MARK2: variants seen among roughly 807,000 people sequenced by gnomAD.
MARK2 encodes the protein microtubule affinity regulating kinase 2, also known as serine/threonine-protein kinase MARK2.
MARK2 carries 16 observed loss-of-function variants against 89.8 expected under a neutral mutation model. The ratio of observed to expected loss-of-function variants is 0.18; its 90% CI spans 0.12 to 0.27. MARK2 has a LOEUF of 0.27. Ranked by LOEUF, MARK2 falls within the 10% of genes least tolerant of loss-of-function variation. The pLI is 1.00. For synonymous variants in MARK2, 382 were observed against 399.5 expected (o/e 0.96, Z 0.52); for missense variants, 621 against 1,049.9 (o/e 0.59, Z 5.65).
intron 1 of MARK2, among the ~76,000 whole-genome samples, chr11:63,861,842 A>G (rs1418836192): frequency 1.3e-5 from 2 of 151,190 alleles, no homozygotes; most frequent in Admixed American, 6.6e-5. Flanking sequence ...CCCGGGTTCA[A>G]GCAATTCTCC....
Position 63,858,728 on chromosome 11 carries a change from G to A in MARK2, c.54+19168G>A, listed in dbSNP as rs539784409. On this transcript the variant is annotated intron_variant, in intron 1 of 18. Coordinates refer to ENST00000402010, the MANE Select transcript of MARK2 (RefSeq NM_001039469.3). ...AAGCCATTTGACGTCATCAGTAAGAGTAAAGGGATTCCAGACAGTGTGAGA... is the reference window on the plus strand; with the variant it reads ...AAGCCATTTGACGTCATCAGTAAGAATAAAGGGATTCCAGACAGTGTGAGA... 7.9e-5 allele frequency among the ~76,000 whole-genome samples: 12 copies of A among 152,334 alleles called. No homozygotes were observed. The South Asian group carries it at 2.5e-3, about 32-fold the overall frequency.
At chr11:63,896,638 C>T (rs912291984) in intron 3 of MARK2, among the ~76,000 whole-genome samples, 10 of 152,206 alleles carry the variant, frequency 6.6e-5, no homozygotes, top group African/African-American at 1.9e-4. Context: ...AGTTGTTCTC[C>T]GGACATGCAA....
At chr11:63,845,024 C>T (rs2016209144) in intron 1 of MARK2, among the ~76,000 whole-genome samples, 2 of 152,144 alleles carry the variant, frequency 1.3e-5, no homozygotes, top group South Asian at 2.1e-4. Context: ...CCTTTGGCCC[C>T]GTGATAGCTT....
chr11:63,870,443 G>T (rs1005547272), intron 1 of MARK2, among the ~76,000 whole-genome samples: 1 of 152,166 alleles, frequency 6.6e-6, no homozygotes, highest in African/African-American at 2.4e-5. Flanking sequence ...ATGGAGCAGA[G>T]CTGTGCAAAG....
intron 1 of MARK2, among the ~76,000 whole-genome samples, chr11:63,849,194 A>G (rs1052525138): frequency 6.6e-6 from 1 of 151,974 alleles, no homozygotes; most frequent in African/African-American, 2.4e-5. Context: ...CACTCACCCC[A>G]TCACTCCCTA....
At chr11:63,857,053 C>T (rs1027000940) in intron 1 of MARK2, among the ~76,000 whole-genome samples, 11 of 151,780 alleles carry the variant, frequency 7.2e-5, no homozygotes, top group African/African-American at 1.9e-4. Context: ...CCTCATGATC[C>T]GCCCGCCTCG....
intron 3 of MARK2, 27 bp downstream of exon 3, chr11:63,895,660 T>G (rs1290075558): frequency 1.0e-4 from 7 of 68,426 alleles, no homozygotes; most frequent in Non-Finnish European, 1.3e-4. Context: ...TCCTGTCCCT[T>G]TTTTTTTTTT....
chr11:63,907,028 TC>T (rs1395194055), intron 17 of MARK2, among the ~76,000 whole-genome samples: 10 of 152,090 alleles, frequency 6.6e-5, no homozygotes, highest in Non-Finnish European at 8.8e-5. Flanking sequence ...ACAGTCCCCT[TC>T]CTGGCTCTTT....
At position 63,908,314 on chromosome 11, in the gene MARK2, C is replaced by G. The variant is rs1281049183; in HGVS notation, c.2006+10C>G. 4.5e-6 allele frequency: 7 copies of G among 1,558,236 alleles called. No individual in the cohort carries two copies. In the African/African-American group the frequency reaches 8.2e-5, roughly 18 times the overall value. ...GAGTGGAGACGCTCAGGTGAGAGGGCTGGAGCCAGCACTGGCCCTGCCCGG... is the reference window on the plus strand; with the variant it reads ...GAGTGGAGACGCTCAGGTGAGAGGGGTGGAGCCAGCACTGGCCCTGCCCGG... On this transcript the variant is annotated intron_variant, in intron 18 of 18. Coordinates refer to ENST00000402010, the MANE Select transcript of MARK2 (RefSeq NM_001039469.3).
At position 63,902,846 on chromosome 11, in the gene MARK2, C is replaced by T. The variant is rs1941012003; in HGVS notation, c.1416+64C>T. ...TGGGGCCTGCCCTCTCCAGGCAGCT[C>T]TTCTCTTAATTCAGACTCTGTTCCC... On this transcript the variant is annotated intron_variant, in intron 13 of 18. Coordinates refer to ENST00000402010, the MANE Select transcript of MARK2 (RefSeq NM_001039469.3). This position sits in a 1 kb window ranked among gnomAD's most constrained non-coding sequence, Gnocchi z 4.2. 2 of 1,374,316 alleles carry T rather than the reference C, an allele frequency of 1.5e-6. No individual in the cohort carries two copies. Among genetic ancestry groups the T allele is most frequent in the East Asian group, 4.6e-5 (2 of 43,172 alleles). The allele number at this position is 1,374,316 out of a possible 1,614,324, so 85.1% of individuals were successfully genotyped here.
chr11:63,892,904 ATTTTTTTTTTT>A (rs896527484), intron 1 of MARK2, among the ~76,000 whole-genome samples: 1 of 114,686 alleles, frequency 8.7e-6, no homozygotes, highest in African/African-American at 3.6e-5. Context: ...TGATTTCTTA[ATTTTTTTTTTT>A]TTTTTTTTTT....
At chr11:63,907,731 T>G (rs1285708771) in intron 17 of MARK2, among the ~76,000 whole-genome samples, 1 of 152,210 alleles carries the variant, frequency 6.6e-6, no homozygotes, top group Non-Finnish European at 1.5e-5. Flanking sequence ...GACCCAGGCC[T>G]TGGCACTTTG....
intron 1 of MARK2, chr11:63,869,376 G>A (rs908280226): frequency 1.2e-5 from 2 of 166,590 alleles, no homozygotes; most frequent in African/African-American, 2.4e-5. Context: ...GCTGCAGGTG[G>A]GGGCAAGTGC....
chr11:63,875,915 G>T (rs184761196), intron 1 of MARK2, among the ~76,000 whole-genome samples: 18 of 152,202 alleles, frequency 1.2e-4, no homozygotes, highest in East Asian at 3.8e-4. Flanking sequence ...AAGAGGCAGC[G>T]CCCAGCTTCA....
At chr11:63,872,561 CAGAGGCCA>C (rs372636531) in intron 1 of MARK2, among the ~76,000 whole-genome samples, 93,800 of 151,944 alleles carry the variant, frequency 0.62, 29,464 homozygotes, top group East Asian at 0.94. Flanking sequence ...ACTGCTTTCC[CAGAGGCCA>C]TAAACCTGCC....
chr11:63,870,979 A>G (rs1938411799), intron 1 of MARK2, among the ~76,000 whole-genome samples: 1 of 152,184 alleles, frequency 6.6e-6, no homozygotes, highest in Admixed American at 6.5e-5. Context: ...GGAAGGGGAG[A>G]CAGCCAGCTC....
intron 1 of MARK2, among the ~76,000 whole-genome samples, chr11:63,844,776 T>A (rs547933170): frequency 2.2e-4 from 33 of 152,210 alleles, no homozygotes; most frequent in Non-Finnish European, 4.1e-4. Flanking sequence ...TTGTTTCCCC[T>A]TTGGACAGAA....
In MARK2 at chr11:63,891,746, GT is replaced by G. The variant is rs1223494508; in HGVS notation, c.55-3407del. 2.0e-5 allele frequency among the ~76,000 whole-genome samples: 3 copies of G among 152,368 alleles called. No homozygotes were observed. In the East Asian group the frequency reaches 5.8e-4, roughly 29 times the overall value. Reference sequence around the variant, plus strand: ...TCGTAGGAGTTGGGGCAGAAGGAAGGTTTTTTCCTGTTCATTGCCCGTTAGG... The same window carrying G: ...TCGTAGGAGTTGGGGCAGAAGGAAGGTTTTTCCTGTTCATTGCCCGTTAGG... On this transcript the variant is annotated intron_variant, in intron 1 of 18. Coordinates refer to ENST00000402010, the MANE Select transcript of MARK2 (RefSeq NM_001039469.3).
intron 1 of MARK2, among the ~76,000 whole-genome samples, chr11:63,858,557 G>A (rs1937592820): frequency 6.6e-6 from 1 of 151,206 alleles, no homozygotes; most frequent in Non-Finnish European, 1.5e-5. Context: ...TTTTCACCAT[G>A]TTGTTCAGGC....
Sources: allele counts gnomAD v4.1 joint callset (sites outside exome capture counted in the v4.1 genomes callset), GRCh38; gene constraint gnomAD v4.1.1; non-coding constraint Gnocchi (gnomAD v3.1); transcripts MANE v1.5; gene names NCBI Gene and HGNC (gene_info 2026-07-23, HGNC 2026-07-21).